Variants in SNPH observed in about 807,000 individuals in gnomAD.
SNPH encodes the protein syntaphilin.
SNPH carries 10 observed loss-of-function variants against 36.8 expected under a neutral mutation model. The observed-to-expected ratio is 0.27, with a 90% confidence interval of 0.17 to 0.46. SNPH has a LOEUF of 0.46. SNPH is among the 20% of genes least tolerant of loss of function. The pLI is 1.00. For synonymous variants in SNPH, 281 were observed against 312.2 expected (o/e 0.90, Z 1.05); for missense variants, 622 against 744.0 (o/e 0.84, Z 1.91).
chr20:1,274,606 A>G (rs1167760668), intron 2 of SNPH, among the ~76,000 whole-genome samples: 1 of 152,122 alleles, frequency 6.6e-6, no homozygotes, highest in Non-Finnish European at 1.5e-5. Flanking sequence ...GTAGGTTGAG[A>G]CTATCTGAGA....
chr20:1,298,912 G>A (rs984429057), intron 5 of SNPH, among the ~76,000 whole-genome samples: 1 of 151,062 alleles, frequency 6.6e-6, no homozygotes, highest in Admixed American at 6.6e-5. Context: ...TTTATATCGG[G>A]GAAAATATTC....
In SNPH at chr20:1,266,996, C is replaced by T. The variant is rs2088014314; in HGVS notation, c.-493+236C>T. Among the ~76,000 whole-genome samples the T allele has an allele frequency of 2.6e-5, 4 of 152,136 alleles. No homozygotes were observed. In the South Asian group the frequency reaches 8.3e-4, roughly 32 times the overall value. ...TGCTGATTGCAGCAGAGAAGATGCC[C>T]AAAGTGGGTGATTAGGAGGCTTTTA... On this transcript the variant is annotated intron_variant, in intron 2 of 6. Transcript: ENST00000381867. The surrounding 1 kb of genome is among the most constrained non-coding windows in gnomAD (Gnocchi z 6.0).
Position 1,277,409 on chromosome 20 carries a change from G to A in SNPH, c.-493+10649G>A, listed in dbSNP as rs577739239. Among the ~76,000 whole-genome samples, 20 of 151,884 alleles carry A rather than the reference G, an allele frequency of 1.3e-4. No individual in the cohort carries two copies. In the East Asian group the frequency reaches 2.9e-3, roughly 22 times the overall value. ...TGTGTCTGTGTCTATGTGTGTGTAT[G>A]TCTGTGTCTGTGTGTCTGTGTATGT... is the stretch of plus-strand genomic sequence containing the variant. On this transcript the variant is annotated intron_variant, in intron 2 of 6. Transcript: ENST00000381867.
chr20:1,281,753 C>T (rs889355426), intron 2 of SNPH, among the ~76,000 whole-genome samples: 1 of 152,138 alleles, frequency 6.6e-6, no homozygotes, highest in Non-Finnish European at 1.5e-5. Flanking sequence ...ACACGTGCTT[C>T]GATTATGGGA....
In SNPH at chr20:1,266,814, T is replaced by TGG. The variant is rs953427312; in HGVS notation, c.-493+58_-493+59dup. The TGG allele has an allele frequency of 3.8e-6, 5 of 1,304,514 alleles. No homozygotes were observed. In the African/African-American group the frequency reaches 7.7e-5, roughly 20 times the overall value. 80.8% of individuals were successfully genotyped at this position (1,304,514 alleles called of 1,614,324 possible). ...TGGCCCTGCGCTGCACCGCGGCAGG[T>TGG]GGGGGCCGCTTGCAACCGCTCGCTG... On this transcript the variant is annotated intron_variant, in intron 2 of 6. Transcript: ENST00000381867. This position sits in a 1 kb window ranked among gnomAD's most constrained non-coding sequence, Gnocchi z 6.0.
Position 1,298,693 on chromosome 20 carries a change from C to T in SNPH, c.290+1441C>T, listed in dbSNP as rs6041234. 3.6e-3 allele frequency among the ~76,000 whole-genome samples: 544 copies of T among 152,264 alleles called. 7 individuals carry two copies. Among genetic ancestry groups the T allele is most frequent in the African/African-American group, 0.012 (509 of 41,566 alleles). ...GTCTTCTTCCCCACAACAAGGGTTG[C>T]TGCCCCTGGGTGAGCAGTGGGGCCA... is the stretch of plus-strand genomic sequence containing the variant. On this transcript the variant is annotated intron_variant, in intron 5 of 6. Transcript: ENST00000381867.
intron 2 of SNPH, among the ~76,000 whole-genome samples, chr20:1,292,351 G>C (rs1202704430): frequency 6.6e-6 from 1 of 152,204 alleles, no homozygotes; most frequent in Non-Finnish European, 1.5e-5. Flanking sequence ...GAGGTCTCCT[G>C]GATGTATCAG....
At chr20:1,282,084 T>C (rs1234116586) in intron 2 of SNPH, among the ~76,000 whole-genome samples, 2 of 152,244 alleles carry the variant, frequency 1.3e-5, no homozygotes, top group African/African-American at 4.8e-5. Context: ...TTTGGCTAAG[T>C]GCTGGTGGTT....
intron 2 of SNPH, among the ~76,000 whole-genome samples, chr20:1,277,387 G>A (rs1347033308): frequency 6.6e-6 from 1 of 151,978 alleles, no homozygotes. Flanking sequence ...GTCTGTGTGT[G>A]TCTGTGTCTA....
At chr20:1,298,995 C>A (rs1156858287) in intron 5 of SNPH, among the ~76,000 whole-genome samples, 1 of 151,754 alleles carries the variant, frequency 6.6e-6, no homozygotes, top group South Asian at 2.1e-4. Flanking sequence ...GTTTAGCTAA[C>A]CTTGGGTCCC....
intron 5 of SNPH, among the ~76,000 whole-genome samples, chr20:1,297,816 TG>T (rs1176161940): frequency 1.3e-5 from 2 of 151,996 alleles, no homozygotes; most frequent in East Asian, 3.9e-4. Context: ...CCAGACAAAA[TG>T]GGGGTTCCGC....
At chr20:1,275,262 A>C (rs1308762125) in intron 2 of SNPH, among the ~76,000 whole-genome samples, 5 of 152,184 alleles carry the variant, frequency 3.3e-5, no homozygotes, top group African/African-American at 1.2e-4. Flanking sequence ...AGAGAAATCG[A>C]TTATTCCTGC....
In SNPH at chr20:1,300,633, C is replaced by T. The variant is rs765004055; in HGVS notation, c.362C>T (p.Thr121Ile). ...IKPPTPEQYL[T>I]PLQQKEVCIR... ...CCCCCGACCCCGGAGCAGTACCTGA[C>T]CCCCCTGCAGCAGAAGGAGGTGTGC... The change falls in exon 6 of 7, where the codon ACC becomes ATC. Residue 121 changes from threonine (T) to isoleucine (I), a missense_variant. By Grantham distance (89) the Thr-to-Ile change is moderately conservative. This residue lies in a region of SNPH where 187 missense variants were observed against 209.4 expected (regional missense o/e 0.89). Transcript: ENST00000381867. 1 of 1,613,302 alleles carries T rather than the reference C, an allele frequency of 6.2e-7. No homozygotes were observed.
rs1273645748 is a variant in SNPH at position 1,308,043 on chromosome 20, A to G, written c.*1989A>G. On this transcript the variant is annotated 3_prime_UTR_variant, in exon 7 of 7. Coordinates refer to ENST00000381867, the MANE Select transcript of SNPH (RefSeq NM_001318234.2). ...AAGAAATGTATGAACTATATTTGAC[A>G]ACATAAAATCTCTCTATTTTTCACC... is the stretch of plus-strand genomic sequence containing the variant. 6.5e-6 allele frequency: 1 copy of G among 152,728 alleles called. No individual in the cohort carries two copies. The highest frequency in any genetic ancestry group is 2.4e-5 in the African/African-American group (1 of 41,484). 9.5% of individuals were successfully genotyped at this position (152,728 alleles called of 1,614,324 possible).
chr20:1,299,492 T>G (rs938742988), intron 5 of SNPH, among the ~76,000 whole-genome samples: 1 of 152,206 alleles, frequency 6.6e-6, no homozygotes, highest in Non-Finnish European at 1.5e-5. Context: ...TGTTGTGGAA[T>G]TGGGGCATTC....
intron 3 of SNPH, 42 bp downstream of exon 3, chr20:1,295,020 C>T (rs564267158): frequency 1.0e-4 from 16 of 152,846 alleles, no homozygotes; most frequent in African/African-American, 3.4e-4. Flanking sequence ...TGGCGTGGGG[C>T]TCGGTGAATG....
At chr20:1,272,287 A>G (rs1311824343) in intron 2 of SNPH, among the ~76,000 whole-genome samples, 1 of 152,148 alleles carries the variant, frequency 6.6e-6, no homozygotes, top group Non-Finnish European at 1.5e-5. Context: ...CTGGGAAATG[A>G]TGTTGTCTCC....
In SNPH at chr20:1,296,546, A is replaced by T. The variant is rs901777379; in HGVS notation, c.182+125A>T. The T allele has an allele frequency of 2.6e-5, 21 of 820,178 alleles. No individual in the cohort carries two copies. In the African/African-American group the frequency reaches 3.8e-4, roughly 15 times the overall value. 50.8% of individuals were successfully genotyped at this position (820,178 alleles called of 1,614,324 possible). On this transcript the variant is annotated intron_variant, in intron 4 of 6. Coordinates refer to ENST00000381867, the MANE Select transcript of SNPH (RefSeq NM_001318234.2). ...AAATCATTTCCCATTCCCATCTTTAAAATGAGCTTGCTAACACCTGCCTCC... is the reference window on the plus strand; with the variant it reads ...AAATCATTTCCCATTCCCATCTTTATAATGAGCTTGCTAACACCTGCCTCC...
At position 1,276,455 on chromosome 20, in the gene SNPH, G is replaced by A. The variant is rs953986713; in HGVS notation, c.-493+9695G>A. ...TTGGACTGCTGTCTCCGTCTCTGCC[G>A]TGGACTGACTTTGTGACTGGGCAAG... On this transcript the variant is annotated intron_variant, in intron 2 of 6. Transcript: ENST00000381867. This position sits in a 1 kb window ranked among gnomAD's most constrained non-coding sequence, Gnocchi z 4.6. 6.6e-5 allele frequency among the ~76,000 whole-genome samples: 10 copies of A among 152,156 alleles called. No homozygotes were observed. The highest frequency in any genetic ancestry group is 2.4e-4 in the African/African-American group (10 of 41,438).
Sources: allele counts gnomAD v4.1 joint callset (sites outside exome capture counted in the v4.1 genomes callset), GRCh38; gene constraint gnomAD v4.1.1; regional missense constraint gnomAD v4.1.1; non-coding constraint Gnocchi (gnomAD v3.1); transcripts MANE v1.5; gene names NCBI Gene and HGNC (gene_info 2026-07-23, HGNC 2026-07-21).